The following TMEM131 variants were observed in gnomAD, a reference collection of about 807,000 sequenced individuals.
TMEM131 encodes the protein transmembrane protein 131.
TMEM131 carries 66 observed loss-of-function variants against 211.6 expected under a neutral mutation model. The observed-to-expected ratio is 0.31, with a 90% CI of 0.26 to 0.38. The LOEUF is 0.38. Ranked by LOEUF, TMEM131 falls within the 10% of genes least tolerant of loss-of-function variation. The pLI, the probability that TMEM131 is intolerant of heterozygous loss-of-function variation, is 1.00. For synonymous variants in TMEM131, 844 were observed against 841.3 expected (o/e 1.00, Z -0.06); for missense variants, 2,036 against 2,299.3 (o/e 0.89, Z 2.34).
Position 97,795,128 on chromosome 2 carries a change from GA to G in TMEM131, c.3201-14del. ...ATCAGGAGTAAACCTAAAACAGAAT[GA>G]TGGTAGTAAGGCTAAGTTTTAAAAA... On this transcript the variant is annotated splice_polypyrimidine_tract_variant and intron_variant, in intron 28 of 40. Coordinates refer to ENST00000186436, the MANE Select transcript of TMEM131 (RefSeq NM_015348.2). The G allele has an allele frequency of 6.2e-7, 1 of 1,602,162 alleles. No individual in the cohort carries two copies. Among genetic ancestry groups the G allele is most frequent in the Non-Finnish European group, 8.5e-7 (1 of 1,172,752 alleles).
chr2:97,779,967 T>TA, intron 31 of TMEM131, among the ~76,000 whole-genome samples: 1 of 151,950 alleles, frequency 6.6e-6, no homozygotes, highest in South Asian at 2.1e-4. Context: ...TTATAGTGAG[T>TA]TATGATTGCA....
Position 97,796,901 on chromosome 2 carries a change from G to C in TMEM131, c.2956C>G (p.Pro986Ala), listed in dbSNP as rs1445699753. 6.2e-7 allele frequency: 1 copy of C among 1,613,896 alleles called. No homozygotes were observed. Among genetic ancestry groups the C allele is most frequent in the Admixed American group, 1.7e-5 (1 of 60,008 alleles). Residue 986 changes from proline (P) to alanine (A), a missense_variant, in exon 27 of 41, where the codon CCA becomes GCA. Pro to Ala is a conservative substitution (Grantham distance 27). This residue lies in a region of TMEM131 where 1,623 missense variants were observed against 1,805.9 expected (regional missense o/e 0.90). Transcript: ENST00000186436. ...NLRVAGKLPG[P>A]GSSLRFKITE... ...ATTTTAAAGCGTAAGGAGCTTCCTG[G>C]ACCTGGAAGCTTGCCTGCCACCCTC...
intron 11 of TMEM131, among the ~76,000 whole-genome samples, chr2:97,832,906 G>C (rs1326833642): frequency 1.3e-5 from 2 of 152,116 alleles, no homozygotes; most frequent in African/African-American, 4.8e-5. Flanking sequence ...TGCTAGTTAG[G>C]GAGCCTGTGA....
intron 3 of TMEM131, among the ~76,000 whole-genome samples, chr2:97,903,659 T>A (rs559328553): frequency 6.6e-6 from 1 of 152,136 alleles, no homozygotes; most frequent in East Asian, 1.9e-4. Context: ...TGAGTAAATA[T>A]CAGAAAACTC....
At chr2:97,950,188 A>G (rs1001597780) in intron 1 of TMEM131, among the ~76,000 whole-genome samples, 2 of 152,206 alleles carry the variant, frequency 1.3e-5, no homozygotes, top group Non-Finnish European at 2.9e-5. Context: ...CCACTTCATT[A>G]AAGCAGTGAA....
At chr2:97,938,578 G>T (rs972256057) in intron 1 of TMEM131, among the ~76,000 whole-genome samples, 2 of 152,034 alleles carry the variant, frequency 1.3e-5, no homozygotes, top group Non-Finnish European at 2.9e-5. Flanking sequence ...CAATAATAAT[G>T]GGAGACTTCA....
At chr2:97,895,780 C>T (rs1349913896) in intron 3 of TMEM131, among the ~76,000 whole-genome samples, 1 of 151,870 alleles carries the variant, frequency 6.6e-6, no homozygotes, top group African/African-American at 2.4e-5. Context: ...ATTAGTCTGG[C>T]TAGTGATTTA....
chr2:97,766,940 A>G (rs1405279623), intron 33 of TMEM131, among the ~76,000 whole-genome samples: 1 of 152,202 alleles, frequency 6.6e-6, no homozygotes, highest in Non-Finnish European at 1.5e-5. Context: ...CTTGCTGCTC[A>G]GGGCTGGAAG....
intron 4 of TMEM131, among the ~76,000 whole-genome samples, chr2:97,881,699 G>A (rs1410297877): frequency 1.3e-3 from 131 of 99,100 alleles, no homozygotes; most frequent in African/African-American, 5.4e-3. Flanking sequence ...CTAAAGGCTG[G>A]ATAACTGCAA....
Position 97,769,857 on chromosome 2 carries a change from C to T in TMEM131, c.4448+2440G>A, listed in dbSNP as rs1679382178. Among the ~76,000 whole-genome samples, 4 of 152,270 alleles carry T rather than the reference C, an allele frequency of 2.6e-5. No individual in the cohort carries two copies. In the Middle Eastern group the frequency reaches 0.01, roughly 388 times the overall value. On this transcript the variant is annotated intron_variant, in intron 33 of 40. Coordinates refer to ENST00000186436, the MANE Select transcript of TMEM131 (RefSeq NM_015348.2). The stretch of plus-strand genomic sequence containing the variant: ...CAGGCCCATTTCTATGTTGCCACAG[C>T]TGGAAAACACGGTTAGATCAGATTT...
chr2:97,859,491 TAAA>T, intron 4 of TMEM131, 64 bp from the exon 5 acceptor site: 2 of 1,366,316 alleles, frequency 1.5e-6, no homozygotes, highest in Non-Finnish European at 1.9e-6. Context: ...TTCTAGTTGT[TAAA>T]AAATTAATCA....
intron 1 of TMEM131, among the ~76,000 whole-genome samples, chr2:97,962,709 T>C (rs761983887): frequency 6.6e-4 from 101 of 152,166 alleles, no homozygotes; most frequent in Non-Finnish European, 4.1e-4. Context: ...ATGAAAATAT[T>C]TGTCCACAAA....
chr2:97,934,701 A>G (rs911311790), intron 1 of TMEM131, among the ~76,000 whole-genome samples: 1 of 152,198 alleles, frequency 6.6e-6, no homozygotes, highest in Non-Finnish European at 1.5e-5. Flanking sequence ...ACACCTAGAA[A>G]CAGAACCATA....
At chr2:97,938,009 C>A (rs1329047434) in intron 1 of TMEM131, among the ~76,000 whole-genome samples, 2 of 152,160 alleles carry the variant, frequency 1.3e-5, no homozygotes, top group Admixed American at 6.5e-5. Flanking sequence ...GCCTGCCTTA[C>A]AAGAGCTCCT....
At chr2:97,984,663 G>A (rs983036086) in intron 1 of TMEM131, among the ~76,000 whole-genome samples, 3 of 151,184 alleles carry the variant, frequency 2.0e-5, no homozygotes, top group African/African-American at 7.3e-5. Flanking sequence ...CCATCCCCCT[G>A]GGGAGGGCAT....
rs368213249 is a variant in TMEM131, at chr2:97,793,451, G to A, written c.3489C>T (p.Phe1163=). 45 of 1,613,856 alleles carry A rather than the reference G, an allele frequency of 2.8e-5. No individual in the cohort carries two copies. The highest frequency in any genetic ancestry group is 1.1e-4 in the East Asian group (5 of 44,874). Residue 1163 remains phenylalanine, a synonymous_variant, in exon 30 of 41, where the codon TTC becomes TTT. Transcript: ENST00000186436. ...RLSFEASNPP[F]DVGRPFDLRR... is the part of the protein sequence containing the mutation. The stretch of plus-strand genomic sequence containing the variant: ...TGAGATCAAATGGCCTTCCCACATC[G>A]AAGGGCGGGTTCGAGGCCTCAAAGG...
intron 1 of TMEM131, among the ~76,000 whole-genome samples, chr2:97,974,608 A>C (rs1679450066): frequency 6.6e-6 from 1 of 152,118 alleles, no homozygotes; most frequent in African/African-American, 2.4e-5. Context: ...AAGAGAAAAA[A>C]AAAGACATGT....
At chr2:97,963,662 C>T (rs1678917783) in intron 1 of TMEM131, among the ~76,000 whole-genome samples, 1 of 152,142 alleles carries the variant, frequency 6.6e-6, no homozygotes, top group Non-Finnish European at 1.5e-5. Context: ...TTGCAGTAAG[C>T]GGAGATCGCG....
chr2:97,856,223 G>A (rs1295697861), intron 5 of TMEM131, among the ~76,000 whole-genome samples: 1 of 151,862 alleles, frequency 6.6e-6, no homozygotes, highest in Non-Finnish European at 1.5e-5. Context: ...ATATAATATG[G>A]CCATGAAAGA....
Sources: gnomAD v4.1 joint callset for allele counts (sites outside exome capture counted in the v4.1 genomes callset) on GRCh38, gnomAD v4.1.1 for gene constraint, gnomAD v4.1.1 regional missense constraint, MANE v1.5 for transcripts, NCBI Gene and HGNC (gene_info 2026-07-23, HGNC 2026-07-21) for gene names.